CCDC171: variants seen among roughly 807,000 people sequenced by gnomAD.
CCDC171 encodes the protein coiled-coil domain-containing protein 171.
CCDC171 carries 177 observed loss-of-function variants against 168.2 expected under a neutral mutation model. The ratio of observed to expected loss-of-function variants is 1.05; its 90% confidence interval spans 0.93 to 1.19. The LOEUF (loss-of-function observed/expected upper bound fraction) is 1.19. CCDC171 is among the 50% of genes most tolerant of loss of function. CCDC171 has a pLI of 0.00. For synonymous variants in CCDC171, 687 were observed against 540.8 expected (o/e 1.27, Z -3.75); for missense variants, 1,991 against 1,539.0 (o/e 1.29, Z -4.91).
intron 16 of CCDC171, 118 bp downstream of exon 16, chr9:15,729,916 C>A (rs1159115107): frequency 1.4e-6 from 1 of 701,670 alleles, no homozygotes; most frequent in Admixed American, 2.7e-5. Context: ...CTTCGTAGAA[C>A]TTGTTTAGAT....
At chr9:15,699,501 G>C (rs974937098) in intron 11 of CCDC171, among the ~76,000 whole-genome samples, 1 of 152,152 alleles carries the variant, frequency 6.6e-6, no homozygotes, top group African/African-American at 2.4e-5. Context: ...CTGATTGGTA[G>C]AGCCAAGTGG....
rs1045826437 is a variant in CCDC171, at chr9:15,575,840, C to G, written c.178-3009C>G. ...GGTGCCATGGCTCACGCCTGTAATC[C>G]CAGCACTTTAGGAGGCTGAGGTGGG... is the stretch of plus-strand genomic sequence containing the variant. On this transcript the variant is annotated intron_variant, in intron 3 of 25. Transcript: ENST00000380701. 2.6e-5 allele frequency among the ~76,000 whole-genome samples: 4 copies of G among 152,216 alleles called. No individual in the cohort carries two copies. In the East Asian group the frequency reaches 7.7e-4, roughly 29 times the overall value.
intron 25 of CCDC171, among the ~76,000 whole-genome samples, chr9:15,923,114 C>A (rs1294482993): frequency 6.6e-6 from 1 of 151,098 alleles, no homozygotes; most frequent in Admixed American, 6.6e-5. Context: ...TTTTTAAGAT[C>A]ATATCCCAAA....
chr9:15,791,054 T>G (rs374883312), intron 21 of CCDC171, among the ~76,000 whole-genome samples: 3 of 152,314 alleles, frequency 2.0e-5, no homozygotes, highest in East Asian at 3.9e-4. Flanking sequence ...TTGTTCTTTT[T>G]GCTTAGGATT....
chr9:15,775,264 G>C (rs768055559), intron 18 of CCDC171, among the ~76,000 whole-genome samples: 1 of 152,196 alleles, frequency 6.6e-6, no homozygotes, highest in Non-Finnish European at 1.5e-5. Flanking sequence ...TTAGAAGAAT[G>C]CATTGCAGAA....
intron 2 of CCDC171, among the ~76,000 whole-genome samples, chr9:15,565,062 G>A (rs1251140529): frequency 6.7e-6 from 1 of 149,006 alleles, no homozygotes; most frequent in Non-Finnish European, 1.5e-5. Context: ...TTTCCACTTA[G>A]CTTTTGAAGC....
chr9:15,673,217 G>A lies in CCDC171; in HGVS notation c.1077-5541G>A, dbSNP rs148454533. ...CATTAATTTTGTATCCTGAGACTTTGCTGAAGTAGCTTATCAGTTTAAGGA... is the reference window on the plus strand; with the variant it reads ...CATTAATTTTGTATCCTGAGACTTTACTGAAGTAGCTTATCAGTTTAAGGA... On this transcript the variant is annotated intron_variant, in intron 9 of 25. Coordinates refer to ENST00000380701, the MANE Select transcript of CCDC171 (RefSeq NM_173550.4). Among the ~76,000 whole-genome samples the A allele has an allele frequency of 1.1e-4, 16 of 152,324 alleles. 1 individual carries two copies. Among genetic ancestry groups the A allele is most frequent in the African/African-American group, 3.4e-4 (14 of 41,564 alleles).
At chr9:15,569,189 T>C (rs1304988853) in intron 2 of CCDC171, among the ~76,000 whole-genome samples, 1 of 152,226 alleles carries the variant, frequency 6.6e-6, no homozygotes, top group Non-Finnish European at 1.5e-5. Flanking sequence ...AATCCGCCTA[T>C]TTCCATGGAT....
intron 10 of CCDC171, among the ~76,000 whole-genome samples, chr9:15,684,330 G>C (rs1481980592): frequency 1.3e-5 from 2 of 151,748 alleles, no homozygotes; most frequent in East Asian, 3.9e-4. Context: ...TGTTTAAAAT[G>C]CTTATTTCAT....
chr9:15,928,912 AC>A (rs1826191297), intron 25 of CCDC171, among the ~76,000 whole-genome samples: 1 of 151,680 alleles, frequency 6.6e-6, no homozygotes, highest in African/African-American at 2.4e-5. Context: ...ATGGCCTCAT[AC>A]CTTCTTTCTA....
At chr9:15,609,874 C>T (rs974510486) in intron 6 of CCDC171, among the ~76,000 whole-genome samples, 1 of 152,048 alleles carries the variant, frequency 6.6e-6, no homozygotes, top group South Asian at 2.1e-4. Flanking sequence ...CATCAAGAGA[C>T]CTTCCTGTAA....
At chr9:15,668,952 C>T (rs1053243724) in intron 9 of CCDC171, among the ~76,000 whole-genome samples, 1 of 151,796 alleles carries the variant, frequency 6.6e-6, no homozygotes, top group Non-Finnish European at 1.5e-5. Flanking sequence ...TAAATAATAC[C>T]TTTAACTTAC....
chr9:15,666,445 GC>G (rs1201330710), intron 9 of CCDC171, 122 bp downstream of exon 9: 1 of 624,432 alleles, frequency 1.6e-6, no homozygotes, highest in East Asian at 2.8e-5. Flanking sequence ...GTAGACTGGG[GC>G]AAGTGACTTC....
At chr9:15,711,712 C>G (rs2052680921) in intron 11 of CCDC171, among the ~76,000 whole-genome samples, 1 of 152,028 alleles carries the variant, frequency 6.6e-6, no homozygotes, top group South Asian at 2.1e-4. Flanking sequence ...TCAGATAAAC[C>G]CATTGTAAGT....
intron 9 of CCDC171, among the ~76,000 whole-genome samples, chr9:15,675,034 C>G (rs2049421037): frequency 6.6e-6 from 1 of 152,102 alleles, no homozygotes; most frequent in Non-Finnish European, 1.5e-5. Flanking sequence ...CTTTATGAAT[C>G]TGGGTGCTCC....
At chr9:16,079,734 C>T in the CCDC171 span, among the ~76,000 whole-genome samples, 2 of 152,180 alleles carry the variant, frequency 1.3e-5, no homozygotes, top group Non-Finnish European at 2.9e-5. Flanking sequence ...TTCGTTAGAG[C>T]AGATTTAGCA....
chr9:15,600,469 A>G (rs569160026), intron 6 of CCDC171, among the ~76,000 whole-genome samples: 3 of 152,274 alleles, frequency 2.0e-5, no homozygotes, highest in South Asian at 2.1e-4. Flanking sequence ...TGAACAGCCA[A>G]TGTTGCTGCC....
At chr9:15,567,211 G>A (rs768975238) in intron 2 of CCDC171, among the ~76,000 whole-genome samples, 22 of 151,944 alleles carry the variant, frequency 1.4e-4, no homozygotes, top group Non-Finnish European at 2.2e-4. Context: ...TAGTAGAGAC[G>A]GGGTTTCACA....
chr9:15,656,321 C>CAA (rs1163329115), intron 7 of CCDC171, among the ~76,000 whole-genome samples: 14 of 89,800 alleles, frequency 1.6e-4, no homozygotes, highest in African/African-American at 2.7e-4. Context: ...GACTCCGTCT[C>CAA]AAAAAAAAAA....
Sources: allele counts gnomAD v4.1 joint callset (sites outside exome capture counted in the v4.1 genomes callset), GRCh38; gene constraint gnomAD v4.1.1; transcripts MANE v1.5; gene names NCBI Gene and HGNC (gene_info 2026-07-23, HGNC 2026-07-21).